CCDC188: variants seen among roughly 807,000 people sequenced by gnomAD.
The protein encoded by CCDC188 is coiled-coil domain containing 188.
CCDC188 carries 37 observed loss-of-function variants against 50.7 expected under a neutral mutation model. That is an observed-to-expected ratio of 0.73 (90% CI 0.56 to 0.96). CCDC188 has a LOEUF of 0.96. Ranked by LOEUF, CCDC188 falls within the 40% of genes least tolerant of loss-of-function variation. The probability of loss-of-function intolerance (pLI) is 0.00; values close to 1 mark genes in which losing one functional copy is unlikely to be tolerated. For missense variants in CCDC188, 453 were observed against 512.9 expected (o/e 0.88, Z 1.13); for synonymous variants, 208 against 228.0 (o/e 0.91, Z 0.79).
At position 20,150,137 on chromosome 22, in the gene CCDC188, A is replaced by G; in HGVS notation, c.627+6T>C. 1 of 1,544,284 alleles carries G rather than the reference A, an allele frequency of 6.5e-7. No homozygotes were observed. The highest frequency in any genetic ancestry group is 8.8e-7 in the Non-Finnish European group (1 of 1,142,736). ...GCTGCATGGGGTCCCTGGGCCCTGT[A>G]TTTACCCAGGCCAGAGCAGTGCAGC... On this transcript the variant is annotated splice_donor_region_variant and intron_variant, in intron 2 of 8. Coordinates refer to ENST00000439765, the MANE Select transcript of CCDC188 (RefSeq NM_001365892.2).
At chr22:20,149,815 T>G (rs1490092643) in intron 3 of CCDC188, 35 bp from the exon 4 acceptor site, 5 of 1,487,778 alleles carry the variant, frequency 3.4e-6, no homozygotes, top group Non-Finnish European at 4.5e-6. Flanking sequence ...TTGGGCAGCA[T>G]CAGCAGGGTG....
chr22:20,149,873 C>G, intron 3 of CCDC188, 82 bp downstream of exon 3: 1 of 1,487,266 alleles, frequency 6.7e-7, no homozygotes, highest in Middle Eastern at 2.2e-4. Context: ...CGAAGACCTC[C>G]CTCCCTAATG....
Position 20,149,650 on chromosome 22 carries a change from G to C in CCDC188, c.790-10C>G. ...CCACGTTGTCCCACACCTAGGGGGA[G>C]GTGGGGTCACGCCTGAGGAGCAGGA... On this transcript the variant is annotated splice_polypyrimidine_tract_variant and intron_variant, in intron 4 of 8. Coordinates refer to ENST00000439765, the MANE Select transcript of CCDC188 (RefSeq NM_001365892.2). The C allele has an allele frequency of 1.9e-6, 3 of 1,549,866 alleles. No individual in the cohort carries two copies. Among genetic ancestry groups the C allele is most frequent in the Non-Finnish European group, 2.6e-6 (3 of 1,146,738 alleles).
Position 20,150,247 on chromosome 22 carries a change from T to G in CCDC188, c.523A>C (p.Arg175=). The part of the protein sequence containing the change: ...QLEQENHSLK[R]QNQELREQLG... ...TGCTCCCGAAGTTCCTGATTCTGCC[T>G]TTTCTGGGGTGGGGGGCAGAGAGAG... Residue 175 remains arginine, a synonymous_variant, in exon 2 of 9, where the codon AGG becomes CGG. Coordinates refer to ENST00000439765, the MANE Select transcript of CCDC188 (RefSeq NM_001365892.2). The G allele has an allele frequency of 6.5e-7, 1 of 1,543,494 alleles. No individual in the cohort carries two copies. The highest frequency in any genetic ancestry group is 8.7e-7 in the Non-Finnish European group (1 of 1,142,948).
Position 20,148,789 on chromosome 22 carries a change from AG to A in CCDC188, c.1033del (p.Leu345Ter). On this transcript the variant is annotated frameshift_variant, in exon 9 of 9. Transcript: ENST00000439765. LOFTEE classifies it high-confidence loss of function. ...CAGCAGGGCGCCCAGCAGCAGCCTCAGGGTCAGCAGCCTGCGGGCGGCGGTG... is the reference window on the plus strand; with the variant it reads ...CAGCAGGGCGCCCAGCAGCAGCCTCAGGTCAGCAGCCTGCGGGCGGCGGTG... ...GLAGQLWLLTLRLLLGALLVW... is the reference protein window; with the variant it reads ...GLAGQLWLLTXRLLLGALLVW... 24 of 1,465,824 alleles carry A rather than the reference AG, an allele frequency of 1.6e-5. No homozygotes were observed. Among genetic ancestry groups the A allele is most frequent in the Non-Finnish European group, 2.1e-5 (23 of 1,102,406 alleles). 90.8% of individuals were successfully genotyped at this position (1,465,824 alleles called of 1,614,324 possible).
At position 20,150,029 on chromosome 22, in the gene CCDC188, C is replaced by G; in HGVS notation, c.658G>C (p.Gly220Arg). The G allele has an allele frequency of 1.3e-6, 2 of 1,548,212 alleles. No homozygotes were observed. The highest frequency in any genetic ancestry group is 2.4e-5 in the East Asian group (1 of 40,870). The change falls in exon 3 of 9, where the codon GGG becomes CGG. Residue 220 changes from glycine (G) to arginine (R), a missense_variant. Coordinates refer to ENST00000439765, the MANE Select transcript of CCDC188 (RefSeq NM_001365892.2). ...PPDPAGTQPL[G>R]NRAPLQLLRR... ...AGCAGCTGCAGAGGTGCCCTGTTCC[C>G]CAAGGGCTGCGTGCCAGCCGGGTCG... is the stretch of plus-strand genomic sequence containing the variant.
At position 20,148,682 on chromosome 22, in the gene CCDC188, C is replaced by T. The variant is rs899088880; in HGVS notation, c.1141G>A (p.Val381Ile). 40 of 1,545,058 alleles carry T rather than the reference C, an allele frequency of 2.6e-5. No homozygotes were observed. The highest frequency in any genetic ancestry group is 1.7e-4 in the Middle Eastern group (1 of 5,866). ...LVPPLLSRAT[V>I]WKLRALLDPF... ...TCCAGCAGGGCCCGGAGCTTCCAGA[C>T]GGTGGCACGGCTCAGCAGGGGTGGC... Residue 381 changes from valine to isoleucine, a missense_variant, in exon 9 of 9, where the codon GTC (valine) becomes ATC (isoleucine). Val to Ile is a conservative substitution (Grantham distance 29). Coordinates refer to ENST00000439765, the MANE Select transcript of CCDC188 (RefSeq NM_001365892.2).
chr22:20,150,977 GCC>G lies in CCDC188; in HGVS notation c.8_9del (p.Gly3AlafsTer87). ME[G>X]LKTLGPCGHP... ...TGGCCGCAGGGGCCCAGGGTTTTCAGCCCCTCCATCCCTCCCTGCAACCCCTT... is the reference window on the plus strand; with the variant it reads ...TGGCCGCAGGGGCCCAGGGTTTTCAGCCTCCATCCCTCCCTGCAACCCCTT... On this transcript the variant is annotated frameshift_variant, in exon 1 of 9. Coordinates refer to ENST00000439765, the MANE Select transcript of CCDC188 (RefSeq NM_001365892.2). LOFTEE classifies it high-confidence loss of function. 7.1e-7 allele frequency: 1 copy of G among 1,402,304 alleles called. No individual in the cohort carries two copies. The highest frequency in any genetic ancestry group is 1.7e-5 in the South Asian group (1 of 60,154). 86.9% of individuals were successfully genotyped at this position (1,402,304 alleles called of 1,614,324 possible). A position where few individuals can be genotyped will look rare whatever the true frequency, so the allele number is the denominator to read the frequency against.
At position 20,150,034 on chromosome 22, in the gene CCDC188, G is replaced by A; in HGVS notation, c.653C>T (p.Pro218Leu). 6.5e-7 allele frequency: 1 copy of A among 1,548,090 alleles called. No homozygotes were observed. The change falls in exon 3 of 9, where the codon CCC (proline) becomes CTC (leucine). Residue 218 changes from proline (P) to leucine (L), a missense_variant. Physicochemically the swap from Pro to Leu is moderately conservative, Grantham distance 98 (BLOSUM62 -3). Coordinates refer to ENST00000439765, the MANE Select transcript of CCDC188 (RefSeq NM_001365892.2). ...CTGCAGAGGTGCCCTGTTCCCCAAG[G>A]GCTGCGTGCCAGCCGGGTCGGGGGG... The part of the protein sequence containing the change: ...AWPPDPAGTQ[P>L]LGNRAPLQLL...
rs73391926 is a variant in CCDC188, at chr22:20,150,582, T to C, written c.405A>G (p.Ser135=). The change falls in exon 1 of 9, where the codon TCA becomes TCG. Residue 135 remains serine, a synonymous_variant. Coordinates refer to ENST00000439765, the MANE Select transcript of CCDC188 (RefSeq NM_001365892.2). ...GTRPCPCPPL[S]REGGALASPR... ...GCGAGGCCAGGGCCCCTCCCTCCCGTGACAGGGGTGGGCATGGGCAGGGTC... is the reference window on the plus strand; with the variant it reads ...GCGAGGCCAGGGCCCCTCCCTCCCGCGACAGGGGTGGGCATGGGCAGGGTC... 0.39 allele frequency: 608,279 copies of C among 1,545,726 alleles called. 122,389 individuals are homozygous for C. The highest frequency in any genetic ancestry group is 0.56 in the East Asian group (22,853 of 40,752).
Position 20,150,969 on chromosome 22 carries a change from G to A in CCDC188, c.18C>T (p.Thr6=), listed in dbSNP as rs1282144059. The change falls in exon 1 of 9, where the codon ACC becomes ACT. Residue 6 remains threonine, a synonymous_variant. Coordinates refer to ENST00000439765, the MANE Select transcript of CCDC188 (RefSeq NM_001365892.2). MEGLK[T]LGPCGHPHPQ... ...GGTGGGGGTGGCCGCAGGGGCCCAGGGTTTTCAGCCCCTCCATCCCTCCCT... is the reference window on the plus strand; with the variant it reads ...GGTGGGGGTGGCCGCAGGGGCCCAGAGTTTTCAGCCCCTCCATCCCTCCCT... 7.8e-6 allele frequency: 11 copies of A among 1,409,074 alleles called. No homozygotes were observed. The South Asian group carries it at 9.8e-5, about 13-fold the overall frequency. The allele number at this position is 1,409,074 out of a possible 1,614,324, so 87.3% of individuals were successfully genotyped here.
Position 20,148,547 on chromosome 22 carries a change from C to T in CCDC188, c.*67G>A, listed in dbSNP as rs767191984. 6.7e-5 allele frequency: 98 copies of T among 1,459,680 alleles called. No individual in the cohort carries two copies. The highest frequency in any genetic ancestry group is 1.3e-4 in the East Asian group (5 of 38,956). 90.4% of individuals were successfully genotyped at this position (1,459,680 alleles called of 1,614,324 possible). A position where few individuals can be genotyped will look rare whatever the true frequency, so the allele number is the denominator to read the frequency against. ...TGGTGCCATGTGCAGGGGGCTGGCA[C>T]GGCCACTGGGCATCCGGGGCAGTGC... On this transcript the variant is annotated 3_prime_UTR_variant, in exon 9 of 9. Coordinates refer to ENST00000439765, the MANE Select transcript of CCDC188 (RefSeq NM_001365892.2).
chr22:20,149,836 C>T (rs530284343), intron 3 of CCDC188, 56 bp from the exon 4 acceptor site: 2 of 1,481,644 alleles, frequency 1.3e-6, no homozygotes, highest in East Asian at 5.0e-5. Flanking sequence ...GCCAGTACCT[C>T]CCCGCTGGGC....
At position 20,150,942 on chromosome 22, in the gene CCDC188, G is replaced by A; in HGVS notation, c.45C>T (p.Pro15=). The A allele has an allele frequency of 7.1e-7, 1 of 1,414,048 alleles. No individual in the cohort carries two copies. The highest frequency in any genetic ancestry group is 1.6e-5 in the South Asian group (1 of 62,644). The allele number at this position is 1,414,048 out of a possible 1,614,324, so 87.6% of individuals were successfully genotyped here. The change falls in exon 1 of 9, where the codon CCC becomes CCT. Residue 15 remains proline, a synonymous_variant. Transcript: ENST00000439765. ...TGGAGGCTGGGGTTGGGGGACACTGGGGGTGGGGGTGGCCGCAGGGGCCCA... is the reference window on the plus strand; with the variant it reads ...TGGAGGCTGGGGTTGGGGGACACTGAGGGTGGGGGTGGCCGCAGGGGCCCA... ...KTLGPCGHPH[P]QCPPTPASSS...
chr22:20,149,376 C>T, intron 6 of CCDC188, 36 bp downstream of exon 6: 8 of 1,549,986 alleles, frequency 5.2e-6, no homozygotes, highest in Non-Finnish European at 7.0e-6. Context: ...CTTCTGAGAC[C>T]CTGCTCAGCT....
At chr22:20,149,528 G>C in intron 5 of CCDC188, 52 bp from the exon 6 acceptor site, 1 of 1,549,902 alleles carries the variant, frequency 6.5e-7, no homozygotes, top group East Asian at 2.4e-5. Flanking sequence ...GCCCTCCGTG[G>C]CCTCTCGCCC....
At position 20,149,245 on chromosome 22, in the gene CCDC188, C is replaced by T. The variant is rs1382257026; in HGVS notation, c.915-1G>A. ...TCGAGTGCGGCACTGGGCCCGCTCC[C>T]TGCGGGGGCCTCACTGTCAGGACCC... On this transcript the variant is annotated splice_acceptor_variant, in intron 6 of 8. Transcript: ENST00000439765. LOFTEE classifies it high-confidence loss of function. 2.7e-6 allele frequency: 4 copies of T among 1,497,184 alleles called. No individual in the cohort carries two copies. The highest frequency in any genetic ancestry group is 2.8e-5 in the African/African-American group (2 of 71,650). 92.7% of individuals were successfully genotyped at this position (1,497,184 alleles called of 1,614,324 possible).
rs1602586033 is a variant in CCDC188 at position 20,150,449 on chromosome 22, C to T, written c.519+19G>A. On this transcript the variant is annotated intron_variant, in intron 1 of 8. Coordinates refer to ENST00000439765, the MANE Select transcript of CCDC188 (RefSeq NM_001365892.2). ...GGTGGGGCTGGGGCTGGGGCTGGGG[C>T]GGTGGGTGGGGTGCTCACCAGGCTG... is the stretch of plus-strand genomic sequence containing the variant. The T allele has an allele frequency of 3.3e-6, 3 of 897,932 alleles. No individual in the cohort carries two copies. Among genetic ancestry groups the T allele is most frequent in the Non-Finnish European group, 4.0e-6 (3 of 745,714 alleles). 55.6% of individuals were successfully genotyped at this position (897,932 alleles called of 1,614,324 possible).
rs1173962873 is a variant in CCDC188 at position 20,148,762 on chromosome 22, A to C, written c.1061T>G (p.Val354Gly). ...CACGTACACGTAGGCAGCGGTCCAG[A>C]CCAGCAGGGCGCCCAGCAGCAGCCT... ...TLRLLLGALL[V>G]WTAAYVYVVN... Residue 354 changes from valine (V) to glycine (G), a missense_variant, in exon 9 of 9, where the codon GTC becomes GGC. By Grantham distance (109) the Val-to-Gly change is moderately radical. Coordinates refer to ENST00000439765, the MANE Select transcript of CCDC188 (RefSeq NM_001365892.2). 6.7e-7 allele frequency: 1 copy of C among 1,483,152 alleles called. No individual in the cohort carries two copies. The highest frequency in any genetic ancestry group is 2.4e-5 in the Admixed American group (1 of 42,432). 91.9% of individuals were successfully genotyped at this position (1,483,152 alleles called of 1,614,324 possible).
Sources: allele counts gnomAD v4.1 joint callset, GRCh38; gene constraint gnomAD v4.1.1; transcripts MANE v1.5; gene names NCBI Gene and HGNC (gene_info 2026-07-23, HGNC 2026-07-21).